Variants in EPB41 observed in about 807,000 individuals in gnomAD.
EPB41 encodes the protein protein 4.1.
Under a neutral mutation model 108.0 loss-of-function variants are expected in EPB41, and 65 were observed. The ratio of observed to expected loss-of-function variants is 0.60; its 90% CI spans 0.49 to 0.74. The LOEUF is 0.74. Ranked by LOEUF, EPB41 falls within the 30% of genes least tolerant of loss-of-function variation. EPB41 has a pLI of 0.00. For synonymous variants in EPB41, 336 were observed against 358.9 expected (o/e 0.94, Z 0.72); for missense variants, 875 against 1,037.0 (o/e 0.84, Z 2.15).
chr1:28,938,312 G>A lies in EPB41; in HGVS notation c.-8+23544G>A, dbSNP rs187155436. ...TTGGGAATATTGCCATCTTAACAAC[G>A]TGAAGTCTTCTAATCTATGAACATG... On this transcript the variant is annotated intron_variant, in intron 1 of 20. Transcript: ENST00000343067. 2.0e-5 allele frequency among the ~76,000 whole-genome samples: 3 copies of A among 152,250 alleles called. No homozygotes were observed. In the East Asian group the frequency reaches 5.8e-4, roughly 29 times the overall value.
chr1:29,000,830 G>T (rs1052638700), intron 4 of EPB41, among the ~76,000 whole-genome samples: 58 of 145,000 alleles, frequency 4.0e-4, no homozygotes, highest in East Asian at 2.4e-3. Context: ...ACAGAGTGTT[G>T]TTTTTTTTTT....
intron 16 of EPB41, chr1:29,068,859 A>T: frequency 9.0e-7 from 1 of 1,112,600 alleles, no homozygotes; most frequent in Non-Finnish European, 1.1e-6. Flanking sequence ...TAATCCCCCC[A>T]GAACTGAACA....
intron 1 of EPB41, among the ~76,000 whole-genome samples, chr1:28,901,486 G>A (rs968483864): frequency 4.6e-5 from 7 of 152,028 alleles, no homozygotes; most frequent in Middle Eastern, 6.9e-3. Flanking sequence ...GCCTCCCAAA[G>A]TGTTGGGATT....
chr1:28,960,577 A>AG (rs1237347781), intron 1 of EPB41, among the ~76,000 whole-genome samples: 3 of 150,920 alleles, frequency 2.0e-5, no homozygotes, highest in Non-Finnish European at 4.4e-5. Flanking sequence ...AAAAAAAAAA[A>AG]AAAAACTTAA....
At chr1:28,888,700 C>T (rs953431257) in intron 1 of EPB41, among the ~76,000 whole-genome samples, 4 of 152,154 alleles carry the variant, frequency 2.6e-5, no homozygotes, top group Non-Finnish European at 5.9e-5. Flanking sequence ...CGATCTCGGC[C>T]CACTGCAAGC....
At chr1:28,918,700 C>T (rs2092860712) in intron 1 of EPB41, among the ~76,000 whole-genome samples, 1 of 152,134 alleles carries the variant, frequency 6.6e-6, no homozygotes. Context: ...TCACTTGAGC[C>T]TTTGAGTTTG....
chr1:29,033,020 A>G, intron 8 of EPB41, 73 bp from the exon 9 acceptor site: 1 of 1,425,158 alleles, frequency 7.0e-7, no homozygotes, highest in Non-Finnish European at 9.9e-7. Context: ...TTATCTTCAG[A>G]TTATCTAGTA....
intron 16 of EPB41, among the ~76,000 whole-genome samples, chr1:29,083,024 G>A (rs113460272): frequency 0.011 from 1,647 of 152,168 alleles, 20 homozygotes; most frequent in African/African-American, 0.037. Flanking sequence ...CACATCTTCC[G>A]GAATAAGCCC....
chr1:29,058,721 C>T, intron 13 of EPB41, 76 bp downstream of exon 13: 1 of 1,546,236 alleles, frequency 6.5e-7, no homozygotes, highest in Non-Finnish European at 8.8e-7. Context: ...CTCCCTTTTC[C>T]TTAAAAAAAT....
chr1:28,898,770 C>T (rs1433698399), intron 1 of EPB41, among the ~76,000 whole-genome samples: 1 of 152,256 alleles, frequency 6.6e-6, no homozygotes, highest in Non-Finnish European at 1.5e-5. Context: ...CCAGGATTCT[C>T]AGTCCTGAGG....
At chr1:28,975,595 G>C (rs567817358) in intron 1 of EPB41, among the ~76,000 whole-genome samples, 1 of 152,032 alleles carries the variant, frequency 6.6e-6, no homozygotes, top group African/African-American at 2.4e-5. Context: ...AATTTAGCAT[G>C]ATATTCAAGT....
rs775554564 is a variant in EPB41 at position 28,975,940 on chromosome 1, CAAAAAA to C, written c.-7-11475_-7-11470del. 7.0e-3 allele frequency among the ~76,000 whole-genome samples: 476 copies of C among 67,652 alleles called. 6 individuals carry two copies. Among genetic ancestry groups the C allele is most frequent in the African/African-American group, 0.024 (444 of 18,814 alleles). The allele number at this position is 67,652 out of a possible 152,430, so 44.4% of individuals were successfully genotyped here. On this transcript the variant is annotated intron_variant, in intron 1 of 20. Transcript: ENST00000343067. ...TGGGTGACAGAGTGAGACTCCATCT[CAAAAAA>C]AAAAAAAAAAAAAAAGAAAGAAAGA...
intron 11 of EPB41, among the ~76,000 whole-genome samples, chr1:29,050,862 G>C (rs1644368290): frequency 1.3e-5 from 2 of 151,732 alleles, no homozygotes; most frequent in Non-Finnish European, 2.9e-5. Flanking sequence ...TTTTTTAGTA[G>C]AGATGGGTTT....
chr1:28,996,889 C>T (rs367951854), intron 3 of EPB41, among the ~76,000 whole-genome samples: 6 of 152,152 alleles, frequency 3.9e-5, no homozygotes, highest in East Asian at 3.9e-4. Flanking sequence ...AATCCCAGCA[C>T]GTTGGAAGGC....
intron 1 of EPB41, among the ~76,000 whole-genome samples, chr1:28,973,037 A>G (rs1003153320): frequency 3.0e-4 from 45 of 152,180 alleles, no homozygotes; most frequent in African/African-American, 1.0e-3. Flanking sequence ...AGAGGTGCTA[A>G]TTAGTGTACT....
intron 14 of EPB41, 147 bp downstream of exon 14, chr1:29,058,999 G>A (rs1646040788): frequency 1.2e-6 from 1 of 816,946 alleles, no homozygotes; most frequent in Non-Finnish European, 2.0e-6. Context: ...TATGGGCCAG[G>A]AGCATTGGCT....
Position 28,887,276 on chromosome 1 carries a change from A to C in EPB41, c.-8+66A>C, listed in dbSNP as rs2089521154. 2 of 1,256,660 alleles carry C rather than the reference A, an allele frequency of 1.6e-6. No homozygotes were observed. The highest frequency in any genetic ancestry group is 1.1e-4 in the East Asian group (2 of 17,394). 77.8% of individuals were successfully genotyped at this position (1,256,660 alleles called of 1,614,324 possible). On this transcript the variant is annotated intron_variant, in intron 1 of 16. Transcript: ENST00000347529. This position sits in a 1 kb window ranked among gnomAD's most constrained non-coding sequence, Gnocchi z 4.9. ...GAGGGACGGGGTTAGGGACAGAAGA[A>C]CCTACCCCCAAGGGCTCGGACCGTC...
chr1:28,946,626 A>G (rs2094498489), intron 1 of EPB41, among the ~76,000 whole-genome samples: 1 of 152,260 alleles, frequency 6.6e-6, no homozygotes, highest in Non-Finnish European at 1.5e-5. Context: ...AACTTCAATA[A>G]CATATGATTA....
chr1:29,039,090 CAAAG>C (rs1640549283), intron 10 of EPB41, among the ~76,000 whole-genome samples, 160 bp from the exon 11 acceptor site: 3 of 152,182 alleles, frequency 2.0e-5, no homozygotes, highest in South Asian at 4.1e-4. Context: ...TGAGAAATGA[CAAAG>C]AACTAAAATA....
Sources: gnomAD v4.1 joint callset for allele counts (sites outside exome capture counted in the v4.1 genomes callset) on GRCh38, gnomAD v4.1.1 for gene constraint, Gnocchi (gnomAD v3.1) non-coding constraint, MANE v1.5 for transcripts, NCBI Gene and HGNC (gene_info 2026-07-23, HGNC 2026-07-21) for gene names.